The following GNB4 variants were observed in gnomAD, a reference collection of about 807,000 sequenced individuals.
GNB4 encodes G protein subunit beta 4, also known as guanine nucleotide-binding protein subunit beta-4.
Under a neutral mutation model 45.2 loss-of-function variants are expected in GNB4, and 28 were observed. The observed-to-expected ratio is 0.62, with a 90% CI of 0.46 to 0.85. GNB4 has a LOEUF of 0.85. Among genes scored for constraint, GNB4 ranks in the 40% least tolerant of loss-of-function variants. The pLI is 0.00. For synonymous variants in GNB4, 132 were observed against 143.7 expected (o/e 0.92, Z 0.58); for missense variants, 321 against 425.4 (o/e 0.75, Z 2.16).
intron 3 of GNB4, among the ~76,000 whole-genome samples, chr3:179,419,936 A>T (rs371411488): frequency 8.6e-5 from 13 of 152,018 alleles, no homozygotes; most frequent in East Asian, 7.7e-4. Context: ...TATTAATTAA[A>T]CATGAAGCCT....
intron 9 of GNB4, among the ~76,000 whole-genome samples, chr3:179,404,428 G>A (rs1241616065): frequency 6.6e-6 from 1 of 152,120 alleles, no homozygotes; most frequent in African/African-American, 2.4e-5. Context: ...ATGTAAGTAA[G>A]CCAGGTGAGG....
At chr3:179,476,521 G>C in the GNB4 span, among the ~76,000 whole-genome samples, 1 of 152,162 alleles carries the variant, frequency 6.6e-6, no homozygotes, top group Non-Finnish European at 1.5e-5. Flanking sequence ...GGATCCACTC[G>C]GAATTGCTCT....
At chr3:179,489,046 A>ATATATATATATATATATATATATATT in the GNB4 span, among the ~76,000 whole-genome samples, 38 of 38,694 alleles carry the variant, frequency 9.8e-4, 1 homozygote, top group Non-Finnish European at 1.4e-3. Context: ...ATATATATAT[A>ATATATATATATATATATATATATATT]ATATATATGT....
chr3:179,447,346 T>TAAAAAA (rs33953450), intron 1 of GNB4, among the ~76,000 whole-genome samples: 1 of 121,354 alleles, frequency 8.2e-6, no homozygotes, highest in Admixed American at 8.9e-5. Flanking sequence ...ATCATGGTAT[T>TAAAAAA]AAAAAAAAAA....
chr3:179,432,222 G>T (rs915284978), intron 1 of GNB4, among the ~76,000 whole-genome samples: 1 of 152,140 alleles, frequency 6.6e-6, no homozygotes, highest in Non-Finnish European at 1.5e-5. Context: ...GAACCCTTGT[G>T]ATGCCTGTGC....
the GNB4 span, among the ~76,000 whole-genome samples, chr3:179,472,357 C>CT: frequency 7.6e-6 from 1 of 131,862 alleles, no homozygotes; most frequent in African/African-American, 2.9e-5. Flanking sequence ...CTTTCCTTTC[C>CT]TTTTCTTTCT....
At chr3:179,518,249 G>C in the GNB4 span, among the ~76,000 whole-genome samples, 1 of 152,122 alleles carries the variant, frequency 6.6e-6, no homozygotes, top group African/African-American at 2.4e-5. Flanking sequence ...CAAATAGCCA[G>C]AAAATGGCAG....
chr3:179,509,108 CT>C, the GNB4 span, among the ~76,000 whole-genome samples: 1 of 151,108 alleles, frequency 6.6e-6, no homozygotes, highest in East Asian at 1.9e-4. Context: ...TCATTTCCCA[CT>C]CAACAAACCA....
chr3:179,488,393 G>C, the GNB4 span, among the ~76,000 whole-genome samples: 1 of 152,284 alleles, frequency 6.6e-6, no homozygotes, highest in Non-Finnish European at 1.5e-5. Context: ...CATAGCTCCT[G>C]CTGTAACCTG....
chr3:179,527,786 A>G, the GNB4 span, among the ~76,000 whole-genome samples: 3,640 of 124,896 alleles, frequency 0.029, 70 homozygotes, highest in Non-Finnish European at 0.043. Flanking sequence ...GCGTGTGTGT[A>G]TGTATGTGTG....
At chr3:179,457,723 T>C in the GNB4 span, among the ~76,000 whole-genome samples, 1 of 152,196 alleles carries the variant, frequency 6.6e-6, no homozygotes, top group Admixed American at 6.5e-5. Context: ...GGTTCAACAT[T>C]AATGCTTCTA....
the GNB4 span, chr3:179,464,407 G>T: frequency 7.5e-7 from 1 of 1,326,860 alleles, no homozygotes. Flanking sequence ...GTGCACAGCT[G>T]CTCCCTCTGC....
intron 1 of GNB4, among the ~76,000 whole-genome samples, chr3:179,446,658 C>G (rs1394483903): frequency 6.6e-6 from 1 of 152,108 alleles, no homozygotes; most frequent in Non-Finnish European, 1.5e-5. Context: ...ACCTATTCTA[C>G]TCACTTGCCG....
At chr3:179,480,763 GGTCA>G in the GNB4 span, among the ~76,000 whole-genome samples, 1 of 151,774 alleles carries the variant, frequency 6.6e-6, no homozygotes, top group African/African-American at 2.4e-5. Context: ...TTTATCTCCT[GGTCA>G]GTCAGTCTCT....
At chr3:179,454,321 T>C (rs1487651347), upstream of GNB4, among the ~76,000 whole-genome samples, 1 of 152,214 alleles carries the variant, frequency 6.6e-6, no homozygotes. Context: ...ACAGAGCACC[T>C]TGCATTTGCT....
chr3:179,497,045 C>CT, the GNB4 span, among the ~76,000 whole-genome samples: 8 of 151,892 alleles, frequency 5.3e-5, no homozygotes, highest in African/African-American at 1.7e-4. Context: ...TTAATTTTTT[C>CT]TTTTTTTAGT....
At chr3:179,442,945 A>G (rs919925906) in intron 1 of GNB4, among the ~76,000 whole-genome samples, 1 of 152,188 alleles carries the variant, frequency 6.6e-6, no homozygotes, top group Non-Finnish European at 1.5e-5. Context: ...GTATCACTTA[A>G]AGTCACATAA....
intron 8 of GNB4, among the ~76,000 whole-genome samples, chr3:179,406,473 G>C (rs1714472490): frequency 1.3e-5 from 2 of 152,112 alleles, no homozygotes; most frequent in African/African-American, 4.8e-5. Context: ...GAGCCTTTCA[G>C]CAGTGTCTAT....
At chr3:179,432,699 G>A (rs1715340965) in intron 1 of GNB4, among the ~76,000 whole-genome samples, 1 of 152,184 alleles carries the variant, frequency 6.6e-6, no homozygotes, top group African/African-American at 2.4e-5. Flanking sequence ...GTATAGTTTA[G>A]TAAGTAGCTC....
Sources: allele counts gnomAD v4.1 joint callset (sites outside exome capture counted in the v4.1 genomes callset), GRCh38; gene constraint gnomAD v4.1.1; transcripts MANE v1.5; gene names NCBI Gene and HGNC (gene_info 2026-07-23, HGNC 2026-07-21).